The following SLC28A1 variants were observed in gnomAD, a reference collection of about 807,000 sequenced individuals.
SLC28A1 encodes the protein solute carrier family 28 member 1.
SLC28A1 carries 64 observed loss-of-function variants against 74.8 expected under a neutral mutation model. That is an observed-to-expected ratio of 0.86 (90% CI 0.70 to 1.05). The LOEUF (loss-of-function observed/expected upper bound fraction) is 1.05. SLC28A1 is among the 50% of genes least tolerant of loss of function. The pLI is 0.00. For missense variants in SLC28A1, 828 were observed against 822.8 expected, an observed-to-expected ratio of 1.01 and a Z score of -0.08; for synonymous variants, 359 against 335.0, an observed-to-expected ratio of 1.07 and a Z score of -0.78.
rs754294129 is a variant in SLC28A1, at chr15:84,904,137, CTG to C, written c.504_505del (p.Leu170GlyfsTer7). 1 of 1,614,196 alleles carries C rather than the reference CTG, an allele frequency of 6.2e-7. No homozygotes were observed. The highest frequency in any genetic ancestry group is 1.1e-5 in the South Asian group (1 of 91,064). On this transcript the variant is annotated frameshift_variant, in exon 7 of 19. Coordinates refer to ENST00000394573, the MANE Select transcript of SLC28A1 (RefSeq NM_004213.5). LOFTEE classifies it high-confidence loss of function. ...TGCTTTCCTGGGCCTGGTCCTGTGG[CTG>C]TCTCTGGACACCTCCCAGCGGCCTG... is the stretch of plus-strand genomic sequence containing the variant. ...LAAFLGLVLW[L>X]SLDTSQRPEQ... is the part of the protein sequence containing the mutation.
At chr15:84,963,984 G>A in the SLC28A1 span, among the ~76,000 whole-genome samples, 1 of 152,020 alleles carries the variant, frequency 6.6e-6, no homozygotes, top group Non-Finnish European at 1.5e-5. Context: ...TTTCTTTCAT[G>A]TACCTAATTC....
intron 1 of SLC28A1, chr15:84,886,441 T>C (rs1964609193): frequency 1.0e-6 from 1 of 985,246 alleles, no homozygotes; most frequent in African/African-American, 1.7e-5. Context: ...CTAATAGGCC[T>C]GGAAGAGGTC....
In SLC28A1 at chr15:84,918,505, A is replaced by G. The variant is rs751074702; in HGVS notation, c.796-19A>G. Reference sequence around the variant, plus strand: ...CTGCCTGCCTCTAACCTGCGGTCCTATGATCTCCTTCCCGGCAGGTTCTGC... The same window carrying G: ...CTGCCTGCCTCTAACCTGCGGTCCTGTGATCTCCTTCCCGGCAGGTTCTGC... On this transcript the variant is annotated intron_variant, in intron 9 of 18. Transcript: ENST00000394573. 11 of 1,608,828 alleles carry G rather than the reference A, an allele frequency of 6.8e-6. No homozygotes were observed. Among genetic ancestry groups the G allele is most frequent in the East Asian group, 2.2e-5 (1 of 44,854 alleles).
intron 9 of SLC28A1, among the ~76,000 whole-genome samples, chr15:84,911,104 C>T (rs992063432): frequency 3.4e-4 from 51 of 152,222 alleles, no homozygotes; most frequent in Admixed American, 1.6e-3. Context: ...CGGCGGGCCA[C>T]GCAGCTGCTG....
intron 11 of SLC28A1, 126 bp downstream of exon 11, chr15:84,921,195 C>T: frequency 1.3e-6 from 1 of 754,794 alleles, no homozygotes; most frequent in Admixed American, 2.0e-5. Context: ...CCAGGGTCAT[C>T]AAATTCTGCT....
At chr15:84,887,442 G>C in intron 2 of SLC28A1, 4 of 981,134 alleles carry the variant, frequency 4.1e-6, no homozygotes, top group Non-Finnish European at 4.8e-6. Context: ...CCAACACTTT[G>C]GGAGGCTGAG....
the SLC28A1 span, among the ~76,000 whole-genome samples, chr15:84,968,677 G>A: frequency 1.3e-5 from 2 of 152,260 alleles, no homozygotes; most frequent in African/African-American, 4.8e-5. Flanking sequence ...CATCTTGGAG[G>A]CTGCTACCAC....
chr15:84,952,604 C>T, the SLC28A1 span, among the ~76,000 whole-genome samples: 8 of 152,162 alleles, frequency 5.3e-5, no homozygotes, highest in South Asian at 2.1e-4. Context: ...ACAGAAAAGT[C>T]GCCGGGCACG....
At chr15:84,953,302 G>C in the SLC28A1 span, among the ~76,000 whole-genome samples, 2 of 152,236 alleles carry the variant, frequency 1.3e-5, no homozygotes, top group Non-Finnish European at 2.9e-5. Context: ...CTTCTGAAAA[G>C]TTCCGTAACT....
chr15:84,957,678 T>A, the SLC28A1 span, among the ~76,000 whole-genome samples: 2 of 152,362 alleles, frequency 1.3e-5, no homozygotes, highest in Admixed American at 1.3e-4. Flanking sequence ...TTATCTGTAG[T>A]CTATCCTCAT....
the SLC28A1 span, among the ~76,000 whole-genome samples, chr15:84,959,010 G>A: frequency 2.7e-5 from 4 of 147,382 alleles, no homozygotes; most frequent in Non-Finnish European, 5.9e-5. Context: ...TGAGGCAGGA[G>A]AATCGTTTGA....
chr15:84,968,802 C>T, the SLC28A1 span, among the ~76,000 whole-genome samples: 4 of 152,346 alleles, frequency 2.6e-5, no homozygotes, highest in African/African-American at 9.6e-5. Context: ...TCTGATATCT[C>T]ATCCCCAAAG....
chr15:84,963,037 C>T, the SLC28A1 span, among the ~76,000 whole-genome samples: 19 of 152,282 alleles, frequency 1.2e-4, no homozygotes, highest in East Asian at 3.9e-4. Context: ...GCCAGCCTGA[C>T]GCCTCAGCAC....
the SLC28A1 span, among the ~76,000 whole-genome samples, chr15:84,955,469 T>C: frequency 6.6e-6 from 1 of 152,184 alleles, no homozygotes; most frequent in Non-Finnish European, 1.5e-5. Flanking sequence ...TTTTTCCCAA[T>C]ACAGAAGCTC....
At chr15:84,918,961 C>T (rs527998753) in intron 10 of SLC28A1, among the ~76,000 whole-genome samples, 1 of 150,710 alleles carries the variant, frequency 6.6e-6, no homozygotes, top group African/African-American at 2.4e-5. Flanking sequence ...GAGGCCCATA[C>T]CTTCCCTGAA....
intron 6 of SLC28A1, chr15:84,895,360 A>G: frequency 6.2e-7 from 1 of 1,613,916 alleles, no homozygotes; most frequent in South Asian, 1.1e-5. Flanking sequence ...ACTGGACTCA[A>G]CAGTTTCCTC....
chr15:84,964,292 G>T, the SLC28A1 span, among the ~76,000 whole-genome samples: 3 of 152,102 alleles, frequency 2.0e-5, no homozygotes, highest in Non-Finnish European at 4.4e-5. Context: ...TGGAAGGAAG[G>T]AGGGAAGGAA....
rs71135328 is a variant in SLC28A1 at position 84,908,178 on chromosome 15, C to CTTTTTTTTT, written c.718-525_718-517dup. 5.0e-3 allele frequency among the ~76,000 whole-genome samples: 457 copies of CTTTTTTTTT among 91,322 alleles called. 15 individuals are homozygous for CTTTTTTTTT. Among genetic ancestry groups the CTTTTTTTTT allele is most frequent in the Non-Finnish European group, 6.6e-3 (348 of 53,042 alleles). The allele number at this position is 91,322 out of a possible 152,430, so 59.9% of individuals were successfully genotyped here. ...TGTCCTAATAACTCCCAGAGCATTT[C>CTTTTTTTTT]TTTTTTTTTTTTTTTTTTTTTTTGA... is the stretch of plus-strand genomic sequence containing the variant. On this transcript the variant is annotated intron_variant, in intron 8 of 18. Coordinates refer to ENST00000394573, the MANE Select transcript of SLC28A1 (RefSeq NM_004213.5).
the SLC28A1 span, among the ~76,000 whole-genome samples, chr15:84,974,473 C>A: frequency 6.6e-6 from 1 of 152,210 alleles, no homozygotes. Flanking sequence ...CCTCTCCAAT[C>A]AAGTAACGAT....
Sources: gnomAD v4.1 joint callset for allele counts (sites outside exome capture counted in the v4.1 genomes callset) on GRCh38, gnomAD v4.1.1 for gene constraint, MANE v1.5 for transcripts, NCBI Gene and HGNC (gene_info 2026-07-23, HGNC 2026-07-21) for gene names.